The following ABCA6 variants were observed in gnomAD, a reference collection of about 807,000 sequenced individuals.
The protein encoded by ABCA6 is ATP binding cassette subfamily A member 6.
In ABCA6, 164 loss-of-function variants were observed where a neutral mutation model predicts 191.2. That is an observed-to-expected ratio of 0.86 (90% confidence interval 0.76 to 0.98). The LOEUF (loss-of-function observed/expected upper bound fraction) is 0.98. Among genes scored for constraint, ABCA6 ranks in the 50% least tolerant of loss-of-function variants. ABCA6 has a pLI of 0.00. For synonymous variants in ABCA6, 636 were observed against 647.7 expected (o/e 0.98, Z 0.27); for missense variants, 1,958 against 1,894.1 (o/e 1.03, Z -0.63).
At chr17:69,122,747 G>A (rs1246338911) in intron 10 of ABCA6, among the ~76,000 whole-genome samples, 3 of 152,048 alleles carry the variant, frequency 2.0e-5, no homozygotes, top group African/African-American at 7.2e-5. Flanking sequence ...ACAAGATGAA[G>A]TGTGGCTGGA....
intron 10 of ABCA6, among the ~76,000 whole-genome samples, chr17:69,120,443 C>G (rs1043919247): frequency 2.6e-5 from 4 of 152,034 alleles, no homozygotes; most frequent in Non-Finnish European, 4.4e-5. Context: ...TCTATCCCTA[C>G]ATTTATCAGA....
chr17:69,112,058 GA>G (rs1598472541), intron 16 of ABCA6, 124 bp downstream of exon 16: 1 of 697,092 alleles, frequency 1.4e-6, no homozygotes, highest in East Asian at 2.5e-5. Flanking sequence ...AAGTATTCAG[GA>G]AACACTGATC....
intron 10 of ABCA6, among the ~76,000 whole-genome samples, chr17:69,119,682 G>A (rs2073605308): frequency 6.6e-6 from 1 of 151,916 alleles, no homozygotes; most frequent in Admixed American, 6.6e-5. Context: ...TTTATATCCT[G>A]CACAAAGCTT....
intron 6 of ABCA6, 89 bp downstream of exon 6, chr17:69,133,552 A>G (rs984083000): frequency 9.8e-7 from 1 of 1,019,260 alleles, no homozygotes; most frequent in African/African-American, 1.6e-5. Context: ...CATCAAGTTT[A>G]AACCATGATG....
chr17:69,087,980 G>A (rs1439086892), intron 28 of ABCA6, among the ~76,000 whole-genome samples, 187 bp downstream of exon 28: 1 of 152,168 alleles, frequency 6.6e-6, no homozygotes, highest in Non-Finnish European at 1.5e-5. Flanking sequence ...TCTTACAGCT[G>A]CTTACAGCCA....
intron 34 of ABCA6, 28 bp downstream of exon 34, chr17:69,084,233 C>A: frequency 6.2e-7 from 1 of 1,606,078 alleles, no homozygotes; most frequent in Non-Finnish European, 8.5e-7. Context: ...TGTGCATGCT[C>A]GCAGCTCTGG....
At position 69,113,439 on chromosome 17, in the gene ABCA6, A is replaced by G; in HGVS notation, c.1903-79T>C. ...CAGAAGATAGCATGAAAAACAATAA[A>G]TACCATAAAATAATAACCATCCAGC... On this transcript the variant is annotated intron_variant, in intron 14 of 38. Coordinates refer to ENST00000284425, the MANE Select transcript of ABCA6 (RefSeq NM_080284.3). The G allele has an allele frequency of 2.0e-6, 3 of 1,516,168 alleles. No individual in the cohort carries two copies. In the South Asian group the frequency reaches 3.7e-5, roughly 18 times the overall value. 93.9% of individuals were successfully genotyped at this position (1,516,168 alleles called of 1,614,324 possible). A position where few individuals can be genotyped will look rare whatever the true frequency, so the allele number is the denominator to read the frequency against.
intron 9 of ABCA6, 24 bp from the exon 10 acceptor site, chr17:69,123,431 A>T: frequency 7.0e-7 from 1 of 1,432,274 alleles, no homozygotes; most frequent in Non-Finnish European, 9.3e-7. Flanking sequence ...AGGCAACAAA[A>T]TATGATCAGT....
intron 4 of ABCA6, among the ~76,000 whole-genome samples, chr17:69,134,980 T>C (rs1162703658): frequency 1.4e-5 from 2 of 144,138 alleles, no homozygotes; most frequent in Non-Finnish European, 3.0e-5. Context: ...CCTCCTGGGT[T>C]CAAGTGATTC....
chr17:69,112,095 C>A, intron 16 of ABCA6, 88 bp downstream of exon 16: 1 of 969,884 alleles, frequency 1.0e-6, no homozygotes, highest in Non-Finnish European at 1.6e-6. Flanking sequence ...AGATGAAGCA[C>A]GAGGCCAGTT....
chr17:69,135,362 T>C (rs1212669182), intron 4 of ABCA6: 1 of 152,404 alleles, frequency 6.6e-6, no homozygotes, highest in Admixed American at 6.5e-5. Context: ...CTCCATAGCC[T>C]CTTGGCAATC....
In ABCA6 at chr17:69,133,229, A is replaced by T. The variant is rs114040908; in HGVS notation, c.791+412T>A. ...ACTTTTACAGGATTATACTCTCTTCAACATGAGAAAGTCTGGAGAAATCAA... is the reference window on the plus strand; with the variant it reads ...ACTTTTACAGGATTATACTCTCTTCTACATGAGAAAGTCTGGAGAAATCAA... On this transcript the variant is annotated intron_variant, in intron 6 of 38. Coordinates refer to ENST00000284425, the MANE Select transcript of ABCA6 (RefSeq NM_080284.3). Among the ~76,000 whole-genome samples the T allele has an allele frequency of 6.3e-3, 962 of 152,314 alleles. 10 individuals carry two copies. Among genetic ancestry groups the T allele is most frequent in the African/African-American group, 0.022 (905 of 41,564 alleles).
intron 37 of ABCA6, 26 bp from the exon 38 acceptor site, chr17:69,079,291 A>T: frequency 1.3e-6 from 2 of 1,560,996 alleles, no homozygotes; most frequent in South Asian, 1.2e-5. Context: ...GACTAGTATT[A>T]ATAGTAGATG....
chr17:69,116,610 C>A (rs1568023667), intron 11 of ABCA6, among the ~76,000 whole-genome samples: 1 of 152,002 alleles, frequency 6.6e-6, no homozygotes, highest in Non-Finnish European at 1.5e-5. Context: ...AAATTGGAAA[C>A]AAATTGAATC....
intron 21 of ABCA6, among the ~76,000 whole-genome samples, chr17:69,101,595 CAAAA>C (rs528243690): frequency 1.3e-5 from 1 of 75,672 alleles, no homozygotes; most frequent in Non-Finnish European, 2.7e-5. Context: ...GACTCTGTCT[CAAAA>C]AAAAAAAAAA....
rs567756126 is a variant in ABCA6, at chr17:69,084,740, A to G, written c.4185-233T>C. On this transcript the variant is annotated intron_variant, in intron 32 of 38. Transcript: ENST00000284425. ...ATTCTGAATGAGAAACTGACAATGG[A>G]TGATTATTTCATTTCCAGGTTTTTT... 2.6e-5 allele frequency among the ~76,000 whole-genome samples: 4 copies of G among 151,912 alleles called. No individual in the cohort carries two copies. In the South Asian group the frequency reaches 8.3e-4, roughly 32 times the overall value.
Position 69,133,690 on chromosome 17 carries a change from T to A in ABCA6, c.742A>T (p.Lys248Ter). ...ISLNVTKERK[K>*]SKNLMKMMGL... ...ATCATTTTCATCAAATTCTTAGACT[T>A]TTTTCTCTCTTTTGTTACATTGAGT... Residue 248 changes from lysine (K) to a stop codon, truncating the protein, a stop_gained, in exon 6 of 39, where the codon AAG becomes TAG. Transcript: ENST00000284425. LOFTEE classifies it high-confidence loss of function. 2 of 1,607,344 alleles carry A rather than the reference T, an allele frequency of 1.2e-6. No homozygotes were observed. Among genetic ancestry groups the A allele is most frequent in the Non-Finnish European group, 1.7e-6 (2 of 1,175,204 alleles).
intron 32 of ABCA6, 103 bp downstream of exon 32, chr17:69,084,925 T>C (rs2072739487): frequency 1.4e-6 from 2 of 1,388,180 alleles, no homozygotes; most frequent in South Asian, 1.6e-5. Flanking sequence ...TCTGGAAAGG[T>C]GGAGATAGCA....
At chr17:69,136,845 T>A (rs1287254092) in intron 3 of ABCA6, among the ~76,000 whole-genome samples, 1 of 152,146 alleles carries the variant, frequency 6.6e-6, no homozygotes, top group Non-Finnish European at 1.5e-5. Flanking sequence ...TTGTACTATA[T>A]TCAGAACAGA....
Sources: gnomAD v4.1 joint callset for allele counts (sites outside exome capture counted in the v4.1 genomes callset) on GRCh38, gnomAD v4.1.1 for gene constraint, MANE v1.5 for transcripts, NCBI Gene and HGNC (gene_info 2026-07-23, HGNC 2026-07-21) for gene names.